Variants in SLC24A3 observed in about 807,000 individuals in gnomAD.
The protein encoded by SLC24A3 is solute carrier family 24 member 3, also known as sodium/potassium/calcium exchanger 3.
A neutral mutation model predicts 75.8 loss-of-function variants in SLC24A3; 28 were observed. The ratio of observed to expected loss-of-function variants is 0.37; its 90% confidence interval spans 0.27 to 0.51. The LOEUF is 0.51. Among genes scored for constraint, SLC24A3 ranks in the 20% least tolerant of loss-of-function variants. SLC24A3 has a pLI of 0.94. For synonymous variants in SLC24A3, 372 were observed against 334.1 expected (o/e 1.11, Z -1.24); for missense variants, 663 against 847.8 (o/e 0.78, Z 2.71).
At chr20:19,231,660 A>G (rs1215244045) in intron 1 of SLC24A3, among the ~76,000 whole-genome samples, 2 of 152,230 alleles carry the variant, frequency 1.3e-5, no homozygotes, top group Admixed American at 1.3e-4. Flanking sequence ...TAGCCCAGCA[A>G]GACTTCTGTA....
At chr20:19,225,570 A>G (rs1981848207) in intron 1 of SLC24A3, among the ~76,000 whole-genome samples, 1 of 152,136 alleles carries the variant, frequency 6.6e-6, no homozygotes. Flanking sequence ...ATCACCCCAA[A>G]AACCCCCCTC....
chr20:19,508,799 G>A (rs1040492803), intron 2 of SLC24A3, among the ~76,000 whole-genome samples: 10 of 152,268 alleles, frequency 6.6e-5, no homozygotes, highest in African/African-American at 2.2e-4. Context: ...ACTCTCAGCT[G>A]GATGAGGCTG....
At chr20:19,668,932 G>T (rs1275125034) in intron 8 of SLC24A3, among the ~76,000 whole-genome samples, 1 of 152,158 alleles carries the variant, frequency 6.6e-6, no homozygotes, top group East Asian at 1.9e-4. Flanking sequence ...GGAAGAAGGG[G>T]CACTGTTGTT....
At chr20:19,635,974 G>A (rs4814876) in intron 6 of SLC24A3, among the ~76,000 whole-genome samples, 91,874 of 151,712 alleles carry the variant, frequency 0.61, 28,820 homozygotes, top group African/African-American at 0.76. Flanking sequence ...CCCCGTCTCT[G>A]CTAAAAATAC....
At chr20:19,577,096 C>T (rs961243801) in intron 3 of SLC24A3, among the ~76,000 whole-genome samples, 11 of 151,778 alleles carry the variant, frequency 7.2e-5, no homozygotes, top group African/African-American at 4.8e-5. Context: ...ACTCTGTCGC[C>T]GAGGCTGGAG....
At chr20:19,572,459 T>C (rs2031068400) in intron 3 of SLC24A3, among the ~76,000 whole-genome samples, 1 of 151,896 alleles carries the variant, frequency 6.6e-6, no homozygotes. Context: ...AGCCTAGAGT[T>C]AGCCCACTCA....
intron 6 of SLC24A3, among the ~76,000 whole-genome samples, chr20:19,614,223 C>A (rs144594530): frequency 0.01 from 1,538 of 152,300 alleles, 13 homozygotes; most frequent in Middle Eastern, 0.037. Flanking sequence ...TAATTAAATT[C>A]TCTGTGCCTC....
chr20:19,692,881 C>A (rs916216567), intron 12 of SLC24A3, among the ~76,000 whole-genome samples: 26 of 150,832 alleles, frequency 1.7e-4, no homozygotes, highest in African/African-American at 5.1e-4. Context: ...CCTAGCTCCC[C>A]ACCCCCATTT....
chr20:19,579,940 G>A (rs1394072086), intron 3 of SLC24A3, 60 bp from the exon 4 acceptor site: 21 of 1,305,132 alleles, frequency 1.6e-5, no homozygotes, highest in African/African-American at 5.8e-5. Context: ...GTGGCTGGAC[G>A]TTCATCTTCC....
chr20:19,538,142 G>C (rs535733347), intron 3 of SLC24A3, among the ~76,000 whole-genome samples: 2 of 152,234 alleles, frequency 1.3e-5, no homozygotes, highest in East Asian at 3.9e-4. Context: ...GTAAGAAGGT[G>C]GCAACGGTCA....
chr20:19,237,754 T>C (rs1465531283), intron 1 of SLC24A3, among the ~76,000 whole-genome samples: 1 of 152,190 alleles, frequency 6.6e-6, no homozygotes, highest in Admixed American at 6.5e-5. Flanking sequence ...AGGAGAGATA[T>C]GCAGCTCTCA....
intron 15 of SLC24A3, among the ~76,000 whole-genome samples, chr20:19,710,274 TG>T (rs760894421): frequency 6.6e-6 from 1 of 152,262 alleles, no homozygotes; most frequent in African/African-American, 2.4e-5. Context: ...TCTTTTAGGG[TG>T]GGGGTGTTGG....
chr20:19,552,087 A>G (rs1055711530), intron 3 of SLC24A3, among the ~76,000 whole-genome samples: 1 of 152,192 alleles, frequency 6.6e-6, no homozygotes, highest in Non-Finnish European at 1.5e-5. Flanking sequence ...ACCTTTAGGG[A>G]AACTTTTTCC....
At chr20:19,323,307 C>G (rs1436808997) in intron 2 of SLC24A3, among the ~76,000 whole-genome samples, 1 of 151,838 alleles carries the variant, frequency 6.6e-6, no homozygotes, top group East Asian at 1.9e-4. Flanking sequence ...GCAGAATGAC[C>G]TGGAGCAAAA....
At chr20:19,695,369 T>C (rs756256940) in intron 13 of SLC24A3, 1 of 152,200 alleles carries the variant, frequency 6.6e-6, no homozygotes, top group Non-Finnish European at 1.5e-5. Flanking sequence ...ACCTGACAGT[T>C]TCAACTCTTG....
intron 2 of SLC24A3, among the ~76,000 whole-genome samples, chr20:19,334,859 C>T (rs185193428): frequency 6.6e-6 from 1 of 152,276 alleles, no homozygotes; most frequent in East Asian, 1.9e-4. Context: ...TGGCTTGACC[C>T]ATCCTGCATG....
chr20:19,429,754 T>TTC (rs1987069836), intron 2 of SLC24A3, among the ~76,000 whole-genome samples: 1 of 152,126 alleles, frequency 6.6e-6, no homozygotes, highest in South Asian at 2.1e-4. Context: ...GCTCCTAGGG[T>TTC]AGCAGGAGTT....
At chr20:19,484,212 T>C (rs1475022098) in intron 2 of SLC24A3, among the ~76,000 whole-genome samples, 1 of 152,220 alleles carries the variant, frequency 6.6e-6, no homozygotes, top group African/African-American at 2.4e-5. Context: ...GTATGCATAA[T>C]GAGGTATCTT....
intron 15 of SLC24A3, among the ~76,000 whole-genome samples, chr20:19,716,599 C>A (rs1286511098): frequency 6.6e-6 from 1 of 151,914 alleles, no homozygotes; most frequent in Non-Finnish European, 1.5e-5. Context: ...TTGTAATGAG[C>A]CACTTTGAGA....
Sources: allele counts gnomAD v4.1 joint callset (sites outside exome capture counted in the v4.1 genomes callset), GRCh38; gene constraint gnomAD v4.1.1; transcripts MANE v1.5; gene names NCBI Gene and HGNC (gene_info 2026-07-23, HGNC 2026-07-21).